Variants in EDIL3 observed in about 807,000 individuals in gnomAD.
EDIL3 encodes EGF-like repeat and discoidin I-like domain-containing protein 3.
EDIL3 carries 37 observed loss-of-function variants against 67.4 expected under a neutral mutation model. That is an observed-to-expected ratio of 0.55 (90% CI 0.42 to 0.72). The LOEUF is 0.72. EDIL3 is among the 30% of genes least tolerant of loss of function. The pLI, the probability that EDIL3 is intolerant of heterozygous loss-of-function variation, is 0.00. For synonymous variants in EDIL3, 195 were observed against 196.3 expected (o/e 0.99, Z 0.05); for missense variants, 527 against 586.3 (o/e 0.90, Z 1.04).
At chr5:84,324,805 A>G (rs577158776) in intron 1 of EDIL3, among the ~76,000 whole-genome samples, 3 of 151,744 alleles carry the variant, frequency 2.0e-5, no homozygotes, top group African/African-American at 4.8e-5. Flanking sequence ...TACATATCTT[A>G]GATAAAATGG....
intron 3 of EDIL3, among the ~76,000 whole-genome samples, chr5:84,188,988 G>A (rs1743523565): frequency 6.6e-6 from 1 of 152,068 alleles, no homozygotes; most frequent in Admixed American, 6.6e-5. Flanking sequence ...ATTGGGGGTA[G>A]GGAGCACTAT....
intron 6 of EDIL3, among the ~76,000 whole-genome samples, chr5:84,095,706 C>T (rs1747249712): frequency 6.6e-6 from 1 of 152,152 alleles, no homozygotes; most frequent in Non-Finnish European, 1.5e-5. Flanking sequence ...GGAAAATTTG[C>T]AGCCTGACAA....
At chr5:84,262,897 C>T (rs1295187674) in intron 1 of EDIL3, among the ~76,000 whole-genome samples, 2 of 151,694 alleles carry the variant, frequency 1.3e-5, no homozygotes, top group East Asian at 3.9e-4. Context: ...TCTTGAATTC[C>T]TGAGCTCAGA....
chr5:84,286,728 T>A (rs1745813588), intron 1 of EDIL3, among the ~76,000 whole-genome samples: 1 of 152,170 alleles, frequency 6.6e-6, no homozygotes, highest in Admixed American at 6.6e-5. Context: ...TTCTGAAGGT[T>A]TTGGATACAA....
chr5:84,055,428 CA>C (rs1375851372), intron 9 of EDIL3, among the ~76,000 whole-genome samples: 1 of 146,240 alleles, frequency 6.8e-6, no homozygotes, highest in Admixed American at 6.7e-5. Context: ...ACACCAAAAG[CA>C]ATGGCAATAA....
intron 1 of EDIL3, among the ~76,000 whole-genome samples, chr5:84,357,908 G>C (rs1458906810): frequency 8.5e-6 from 1 of 116,998 alleles, no homozygotes; most frequent in African/African-American, 2.9e-5. Context: ...AAAAAAAAAA[G>C]CAAGTGCAAA....
intron 4 of EDIL3, 102 bp downstream of exon 4, chr5:84,180,291 T>C: frequency 7.5e-7 from 1 of 1,339,598 alleles, no homozygotes. Context: ...AGGGCTCTCT[T>C]CTGCTCTCAG....
chr5:84,300,283 A>C (rs950076737), intron 1 of EDIL3, among the ~76,000 whole-genome samples: 1 of 152,084 alleles, frequency 6.6e-6, no homozygotes, highest in Non-Finnish European at 1.5e-5. Flanking sequence ...TCTCCTCTGA[A>C]TTGAATTCAG....
intron 1 of EDIL3, among the ~76,000 whole-genome samples, chr5:84,262,324 G>GA (rs1380516122): frequency 1.3e-5 from 2 of 152,072 alleles, no homozygotes; most frequent in Admixed American, 6.6e-5. Context: ...AAAGGAATAG[G>GA]AAAAACCAAG....
intron 9 of EDIL3, among the ~76,000 whole-genome samples, chr5:83,978,745 C>A (rs1056629980): frequency 6.6e-6 from 1 of 151,952 alleles, no homozygotes; most frequent in Non-Finnish European, 1.5e-5. Context: ...GGAAGTTGGA[C>A]TCAATAAAAG....
chr5:84,132,554 T>TTTAATACATA (rs1478895595), intron 5 of EDIL3, among the ~76,000 whole-genome samples: 3 of 89,870 alleles, frequency 3.3e-5, no homozygotes, highest in Non-Finnish European at 6.6e-5. Context: ...TAATATATAT[T>TTTAATACATA]TTATATATTT....
intron 1 of EDIL3, among the ~76,000 whole-genome samples, chr5:84,374,210 GA>G (rs199975282): frequency 0.026 from 3,347 of 128,526 alleles, 117 homozygotes; most frequent in African/African-American, 0.083. Context: ...CCAAGAACTG[GA>G]AAAAAAAAAA....
chr5:84,134,236 T>A (rs1285450876), intron 5 of EDIL3, among the ~76,000 whole-genome samples: 2 of 152,212 alleles, frequency 1.3e-5, no homozygotes, highest in Admixed American at 6.5e-5. Context: ...AACATCTTGC[T>A]TTTAATTGTT....
At chr5:84,074,909 T>C (rs933724288) in intron 6 of EDIL3, among the ~76,000 whole-genome samples, 13 of 152,176 alleles carry the variant, frequency 8.5e-5, no homozygotes, top group African/African-American at 2.2e-4. Context: ...CGTATGTTTA[T>C]TGCGGCACTA....
intron 1 of EDIL3, among the ~76,000 whole-genome samples, chr5:84,382,281 C>T (rs1281017565): frequency 4.6e-5 from 7 of 152,220 alleles, no homozygotes; most frequent in Admixed American, 3.9e-4. Flanking sequence ...CAGGCAACAT[C>T]TCCATGGTTG....
At chr5:83,975,376 A>C (rs1010314873) in intron 9 of EDIL3, among the ~76,000 whole-genome samples, 1 of 151,968 alleles carries the variant, frequency 6.6e-6, no homozygotes, top group Non-Finnish European at 1.5e-5. Context: ...CATAAACCAC[A>C]ATCTTAAATT....
Position 84,066,199 on chromosome 5 carries a change from CTG to C in EDIL3, c.807+250_807+251del, listed in dbSNP as rs556218243. 4.5e-3 allele frequency among the ~76,000 whole-genome samples: 678 copies of C among 151,200 alleles called. 5 individuals are homozygous for C. The highest frequency in any genetic ancestry group is 0.015 in the African/African-American group (630 of 41,188). Reference sequence around the variant, plus strand: ...TAAAGCTTAATTGTCATACAAAAGACTGTGTCCACCTGTGTCAAAGTATTTGT... The same window carrying C: ...TAAAGCTTAATTGTCATACAAAAGACTGTCCACCTGTGTCAAAGTATTTGT... On this transcript the variant is annotated intron_variant, in intron 7 of 10. Transcript: ENST00000296591.
At chr5:83,963,413 T>G (rs1744639536) in intron 9 of EDIL3, 53 bp from the exon 10 acceptor site, 2 of 1,529,608 alleles carry the variant, frequency 1.3e-6, no homozygotes, top group Middle Eastern at 2.2e-4. Context: ...GTTGTAAACT[T>G]CCAAGTCTTT....
chr5:84,053,222 G>A (rs906093176), intron 9 of EDIL3, among the ~76,000 whole-genome samples: 8 of 152,118 alleles, frequency 5.3e-5, no homozygotes, highest in African/African-American at 1.7e-4. Flanking sequence ...GGTACATAAC[G>A]AAATGAAGGC....
Sources: allele counts gnomAD v4.1 joint callset (sites outside exome capture counted in the v4.1 genomes callset), GRCh38; gene constraint gnomAD v4.1.1; transcripts MANE v1.5; gene names NCBI Gene and HGNC (gene_info 2026-07-23, HGNC 2026-07-21).